The following GUCY1A2 variants were observed in gnomAD, a reference collection of about 807,000 sequenced individuals.
The protein encoded by GUCY1A2 is guanylate cyclase 1 soluble subunit alpha 2, also known as guanylate cyclase soluble subunit alpha-2.
GUCY1A2 carries 27 observed loss-of-function variants against 63.5 expected under a neutral mutation model. The ratio of observed to expected loss-of-function variants is 0.43; its 90% CI spans 0.31 to 0.59. The LOEUF is 0.59. Ranked by LOEUF, GUCY1A2 falls within the 20% of genes least tolerant of loss-of-function variation. The pLI is 0.11. For missense variants in GUCY1A2, 768 were observed against 913.3 expected, an observed-to-expected ratio of 0.84 and a Z score of 2.05; for synonymous variants, 364 against 343.5, an observed-to-expected ratio of 1.06 and a Z score of -0.66.
At chr11:106,705,240 G>A (rs1862888853) in intron 7 of GUCY1A2, among the ~76,000 whole-genome samples, 1 of 152,156 alleles carries the variant, frequency 6.6e-6, no homozygotes, top group African/African-American at 2.4e-5. Context: ...CGATTAAAAT[G>A]ATGAGCTAGA....
intron 4 of GUCY1A2, among the ~76,000 whole-genome samples, chr11:106,908,573 C>CAG (rs1329073653): frequency 7.3e-5 from 11 of 151,596 alleles, no homozygotes; most frequent in Admixed American, 6.6e-4. Flanking sequence ...AAGGACTTTG[C>CAG]AGAGAGAGAG....
At chr11:106,938,087 G>A (rs1860703090) in intron 4 of GUCY1A2, among the ~76,000 whole-genome samples, 1 of 151,826 alleles carries the variant, frequency 6.6e-6, no homozygotes, top group Non-Finnish European at 1.5e-5. Flanking sequence ...ACAGGCACCC[G>A]CCACCATGCC....
intron 4 of GUCY1A2, among the ~76,000 whole-genome samples, chr11:106,883,924 G>C (rs892508954): frequency 6.6e-6 from 1 of 152,048 alleles, no homozygotes; most frequent in Non-Finnish European, 1.5e-5. Flanking sequence ...ATCATTCTCA[G>C]CAAACTATCG....
At chr11:106,989,469 C>T (rs1861443736) in intron 1 of GUCY1A2, among the ~76,000 whole-genome samples, 1 of 151,774 alleles carries the variant, frequency 6.6e-6, no homozygotes, top group African/African-American at 2.4e-5. Flanking sequence ...TATGGGAATG[C>T]ACTGAAATAA....
At chr11:106,758,315 G>T (rs1224922117) in intron 6 of GUCY1A2, among the ~76,000 whole-genome samples, 1 of 152,210 alleles carries the variant, frequency 6.6e-6, no homozygotes, top group East Asian at 1.9e-4. Context: ...GGCACCGGAG[G>T]GAATCTCCTG....
chr11:106,901,181 T>A (rs1860128205), intron 4 of GUCY1A2, among the ~76,000 whole-genome samples: 1 of 152,198 alleles, frequency 6.6e-6, no homozygotes, highest in African/African-American at 2.4e-5. Context: ...CAGGGGTGGA[T>A]TCCATCTCAA....
chr11:106,881,603 C>T (rs1859824343), intron 4 of GUCY1A2, among the ~76,000 whole-genome samples: 2 of 151,964 alleles, frequency 1.3e-5, no homozygotes, highest in African/African-American at 2.4e-5. Flanking sequence ...AATTTACCGA[C>T]TGTCCACCTA....
intron 6 of GUCY1A2, among the ~76,000 whole-genome samples, chr11:106,720,775 T>C (rs889026554): frequency 5.3e-5 from 8 of 152,200 alleles, no homozygotes; most frequent in Non-Finnish European, 1.2e-4. Context: ...TTACCAAATG[T>C]AATGTGGTGT....
rs1402354519 is a variant in GUCY1A2 at position 106,686,549 on chromosome 11, T to C, written c.*1000A>G. On this transcript the variant is annotated 3_prime_UTR_variant, in exon 8 of 8. Coordinates refer to ENST00000526355, the MANE Select transcript of GUCY1A2 (RefSeq NM_000855.3). ...CAGTCGGCTCTTAGGAGGCATCAAC[T>C]GGGGAAGAGGAAGGGGGTAACTAAC... is the stretch of plus-strand genomic sequence containing the variant. 9.2e-6 allele frequency: 2 copies of C among 217,854 alleles called. No homozygotes were observed. Among genetic ancestry groups the C allele is most frequent in the African/African-American group, 4.5e-5 (2 of 44,548 alleles). The allele number at this position is 217,854 out of a possible 1,614,324, so 13.5% of individuals were successfully genotyped here.
intron 4 of GUCY1A2, among the ~76,000 whole-genome samples, chr11:106,891,895 C>T (rs1453280470): frequency 1.3e-5 from 2 of 151,994 alleles, no homozygotes; most frequent in Non-Finnish European, 2.9e-5. Context: ...ATTTTGTATT[C>T]TCATTTAAAT....
chr11:106,936,602 G>T (rs1414502049), intron 4 of GUCY1A2: 11 of 999,972 alleles, frequency 1.1e-5, no homozygotes, highest in Non-Finnish European at 1.5e-5. Flanking sequence ...GAAACCAAGT[G>T]ATAGAATCAA....
At chr11:107,001,940 A>C (rs1861617064) in intron 1 of GUCY1A2, among the ~76,000 whole-genome samples, 1 of 151,372 alleles carries the variant, frequency 6.6e-6, no homozygotes, top group Non-Finnish European at 1.5e-5. Flanking sequence ...AATCGCTTGA[A>C]CCTGGGAGGC....
At chr11:106,969,791 G>A (rs1300189207) in intron 3 of GUCY1A2, among the ~76,000 whole-genome samples, 1 of 152,128 alleles carries the variant, frequency 6.6e-6, no homozygotes, top group East Asian at 1.9e-4. Context: ...GGGTCAATAA[G>A]TAATGTAGCA....
At chr11:106,809,649 T>G (rs1346644758) in intron 5 of GUCY1A2, among the ~76,000 whole-genome samples, 1 of 152,114 alleles carries the variant, frequency 6.6e-6, no homozygotes. Context: ...AATTCTTAGT[T>G]TATATTGGAA....
rs1463136252 is a variant in GUCY1A2 at position 106,790,553 on chromosome 11, C to A, written c.1693-13971G>T. On this transcript the variant is annotated intron_variant, in intron 5 of 7. Coordinates refer to ENST00000526355, the MANE Select transcript of GUCY1A2 (RefSeq NM_000855.3). ...TTACTTTCCCCTCTGCTTTTCTCAA[C>A]CAGATGAAGTCGCTCACTGTAGCCT... Among the ~76,000 whole-genome samples the A allele has an allele frequency of 1.3e-5, 2 of 152,030 alleles. 1 individual carries two copies. Among genetic ancestry groups the A allele is most frequent in the South Asian group, 4.2e-4 (2 of 4,810 alleles).
intron 7 of GUCY1A2, among the ~76,000 whole-genome samples, chr11:106,688,753 G>A (rs749384676): frequency 6.6e-6 from 1 of 152,134 alleles, no homozygotes; most frequent in Non-Finnish European, 1.5e-5. Context: ...TATTTGCAGT[G>A]GGAGGACCAC....
At chr11:106,978,437 G>A (rs530377500) in intron 3 of GUCY1A2, among the ~76,000 whole-genome samples, 182 bp downstream of exon 3, 1 of 152,218 alleles carries the variant, frequency 6.6e-6, no homozygotes, top group South Asian at 2.1e-4. Flanking sequence ...TAAGTAAGTG[G>A]CATGCAAGCA....
chr11:106,860,460 C>A (rs1009614487), intron 4 of GUCY1A2, among the ~76,000 whole-genome samples: 11 of 151,868 alleles, frequency 7.2e-5, no homozygotes, highest in Non-Finnish European at 1.6e-4. Context: ...TCCTTTATAG[C>A]CCCATTGACA....
At chr11:106,800,297 A>C (rs543968736) in intron 5 of GUCY1A2, among the ~76,000 whole-genome samples, 191 of 152,340 alleles carry the variant, frequency 1.3e-3, no homozygotes, top group African/African-American at 3.7e-3. Flanking sequence ...GTGGGACTGT[A>C]AACTAGTTCA....
Sources: gnomAD v4.1 joint callset for allele counts (sites outside exome capture counted in the v4.1 genomes callset) on GRCh38, gnomAD v4.1.1 for gene constraint, MANE v1.5 for transcripts, NCBI Gene and HGNC (gene_info 2026-07-23, HGNC 2026-07-21) for gene names.